Variants in LRRC4C observed in about 807,000 individuals in gnomAD.
LRRC4C encodes the protein leucine-rich repeat-containing protein 4C.
A neutral mutation model predicts 33.6 loss-of-function variants in LRRC4C; 5 were observed. The observed-to-expected ratio is 0.15, with a 90% CI of 0.08 to 0.31. The LOEUF (loss-of-function observed/expected upper bound fraction) is 0.31, where lower values mean the gene tolerates loss of function less well. LRRC4C is among the 10% of genes least tolerant of loss of function. The pLI, the probability that LRRC4C is intolerant of heterozygous loss-of-function variation, is 1.00. For synonymous variants in LRRC4C, 329 were observed against 302.0 expected (o/e 1.09, Z -0.93); for missense variants, 560 against 796.7 (o/e 0.70, Z 3.58).
At chr11:40,347,045 C>A (rs777217349) in intron 3 of LRRC4C, among the ~76,000 whole-genome samples, 15 of 152,186 alleles carry the variant, frequency 9.9e-5, no homozygotes, top group Non-Finnish European at 1.8e-4. Context: ...TTCTTTGAAG[C>A]TTTGAAGCCA....
At chr11:40,321,438 T>A (rs1322746071) in intron 3 of LRRC4C, among the ~76,000 whole-genome samples, 1 of 152,178 alleles carries the variant, frequency 6.6e-6, no homozygotes, top group Non-Finnish European at 1.5e-5. Flanking sequence ...TCTCTCTACA[T>A]TACTGTACAA....
intron 3 of LRRC4C, among the ~76,000 whole-genome samples, chr11:40,530,088 CTG>C (rs1445285227): frequency 9.9e-5 from 15 of 152,006 alleles, no homozygotes; most frequent in Admixed American, 9.2e-4. Flanking sequence ...CAATTCAAGA[CTG>C]TGGAATTTTA....
chr11:40,808,653 A>G (rs574258546), intron 2 of LRRC4C, among the ~76,000 whole-genome samples: 1 of 152,228 alleles, frequency 6.6e-6, no homozygotes, highest in Non-Finnish European at 1.5e-5. Context: ...ATGCATGACC[A>G]CCAAGGTCAA....
At chr11:40,430,135 C>T (rs1220474336) in intron 3 of LRRC4C, among the ~76,000 whole-genome samples, 1 of 152,032 alleles carries the variant, frequency 6.6e-6, no homozygotes, top group Non-Finnish European at 1.5e-5. Flanking sequence ...GGCTTTACAT[C>T]AATCAAAGCT....
chr11:40,267,452 C>T lies in LRRC4C; in HGVS notation c.-175-25854G>A, dbSNP rs183932027. 1.6e-4 allele frequency among the ~76,000 whole-genome samples: 24 copies of T among 152,244 alleles called. No individual in the cohort carries two copies. The East Asian group carries it at 2.9e-3, about 18-fold the overall frequency. ...CTGCAAGCTCTGCCTCCCTGGTTCACGCCATTCTCCTGCCTCAGCCTGCTG... is the reference window on the plus strand; with the variant it reads ...CTGCAAGCTCTGCCTCCCTGGTTCATGCCATTCTCCTGCCTCAGCCTGCTG... On this transcript the variant is annotated intron_variant, in intron 4 of 6. Coordinates refer to ENST00000528697, the MANE Select transcript of LRRC4C (RefSeq NM_001258419.2).
At chr11:40,482,668 C>T (rs1953643225) in intron 3 of LRRC4C, among the ~76,000 whole-genome samples, 1 of 152,028 alleles carries the variant, frequency 6.6e-6, no homozygotes, top group Non-Finnish European at 1.5e-5. Context: ...TGGGGTTTTG[C>T]TGTGTTGCCC....
At chr11:40,149,229 A>G (rs977598546) in intron 5 of LRRC4C, among the ~76,000 whole-genome samples, 3 of 152,156 alleles carry the variant, frequency 2.0e-5, no homozygotes, top group African/African-American at 7.2e-5. Flanking sequence ...GAAGAATGTC[A>G]TTGGCTATTT....
intron 2 of LRRC4C, among the ~76,000 whole-genome samples, chr11:40,855,339 CTAT>C (rs1953728013): frequency 6.6e-6 from 1 of 152,148 alleles, no homozygotes; most frequent in Non-Finnish European, 1.5e-5. Context: ...CCTATTAGGT[CTAT>C]TATTCATCCC....
At chr11:40,756,509 T>C (rs1255478652) in intron 2 of LRRC4C, among the ~76,000 whole-genome samples, 1 of 152,062 alleles carries the variant, frequency 6.6e-6, no homozygotes, top group African/African-American at 2.4e-5. Context: ...TTGAAACCTA[T>C]ATCCAAGTAC....
intron 2 of LRRC4C, among the ~76,000 whole-genome samples, chr11:40,873,979 T>A (rs889830920): frequency 6.6e-6 from 1 of 152,158 alleles, no homozygotes; most frequent in South Asian, 2.1e-4. Flanking sequence ...GTAGATATAA[T>A]GTATATAAGA....
At chr11:40,211,245 C>T (rs1311467518) in intron 5 of LRRC4C, among the ~76,000 whole-genome samples, 4 of 152,176 alleles carry the variant, frequency 2.6e-5, no homozygotes, top group Admixed American at 6.5e-5. Flanking sequence ...TTGCTTACTC[C>T]TATTCCCTGT....
rs1019943439 is a variant in LRRC4C, at chr11:41,269,265, T to C, written c.-496+190166A>G. 3.3e-4 allele frequency among the ~76,000 whole-genome samples: 19 copies of C among 57,054 alleles called. No individual in the cohort carries two copies. The Admixed American group carries it at 4.1e-3, about 12-fold the overall frequency. 37.4% of individuals were successfully genotyped at this position (57,054 alleles called of 152,430 possible). ...AAGTGGGCAGTGTCAAAGAAGCAAA[T>C]TGGGCTCCTTTTATTATTATTTATT... On this transcript the variant is annotated intron_variant, in intron 1 of 6. Transcript: ENST00000528697.
At chr11:40,640,476 C>G (rs1942039355) in intron 3 of LRRC4C, among the ~76,000 whole-genome samples, 1 of 151,678 alleles carries the variant, frequency 6.6e-6, no homozygotes, top group South Asian at 2.1e-4. Flanking sequence ...TTTTCAAATA[C>G]CTAGAGAAAC....
intron 3 of LRRC4C, among the ~76,000 whole-genome samples, chr11:40,329,902 C>A (rs532605618): frequency 1.3e-5 from 2 of 151,890 alleles, no homozygotes; most frequent in Non-Finnish European, 2.9e-5. Context: ...CCAACACACC[C>A]GGCTAATTTT....
At chr11:40,525,264 G>A (rs982319980) in intron 3 of LRRC4C, among the ~76,000 whole-genome samples, 3 of 152,126 alleles carry the variant, frequency 2.0e-5, no homozygotes, top group African/African-American at 7.2e-5. Context: ...GGCTAACACA[G>A]TGAAACTCCA....
chr11:40,923,396 T>G (rs1160569098), intron 2 of LRRC4C, among the ~76,000 whole-genome samples: 5 of 152,216 alleles, frequency 3.3e-5, no homozygotes, highest in Admixed American at 1.3e-4. Flanking sequence ...TTTCCAATTA[T>G]TTTGAAGTTA....
At chr11:41,168,747 C>T (rs549537944) in intron 1 of LRRC4C, among the ~76,000 whole-genome samples, 3 of 151,960 alleles carry the variant, frequency 2.0e-5, no homozygotes, top group East Asian at 3.9e-4. Flanking sequence ...GTACTTTTCA[C>T]AGGGGTAGCT....
intron 3 of LRRC4C, among the ~76,000 whole-genome samples, chr11:40,342,630 T>G (rs1809727712): frequency 6.6e-6 from 1 of 152,132 alleles, no homozygotes; most frequent in African/African-American, 2.4e-5. Context: ...ACAACATAAC[T>G]ACTTTAAAGA....
rs181303290 is a variant in LRRC4C, at chr11:40,123,992, G to T, written c.-42-7658C>A. 4.8e-3 allele frequency among the ~76,000 whole-genome samples: 732 copies of T among 152,208 alleles called. 20 individuals are homozygous for T. The highest frequency in any genetic ancestry group is 0.046 in the Admixed American group (709 of 15,278). On this transcript the variant is annotated intron_variant, in intron 6 of 6. Coordinates refer to ENST00000528697, the MANE Select transcript of LRRC4C (RefSeq NM_001258419.2). ...TGCCAAGAACATACACTGGAGAAAG[G>T]ACAGTCTCTTTAATAAATGGTGCTG...
Sources: gnomAD v4.1 joint callset for allele counts (sites outside exome capture counted in the v4.1 genomes callset) on GRCh38, gnomAD v4.1.1 for gene constraint, MANE v1.5 for transcripts, NCBI Gene and HGNC (gene_info 2026-07-23, HGNC 2026-07-21) for gene names.